Variants in PLA2G5 observed in about 807,000 individuals in gnomAD.
PLA2G5 encodes the protein Ca2+-dependent phospholipase A2.
PLA2G5 carries 12 observed loss-of-function variants against 15.9 expected under a neutral mutation model. That is an observed-to-expected ratio of 0.76 (90% CI 0.48 to 1.23). The LOEUF is 1.23. Among genes scored for constraint, PLA2G5 ranks in the 50% most tolerant of loss-of-function variants. The probability of loss-of-function intolerance (pLI) is 0.00; values close to 1 mark genes in which losing one functional copy is unlikely to be tolerated. For synonymous variants in PLA2G5, 71 were observed against 71.4 expected (o/e 0.99, Z 0.03); for missense variants, 169 against 177.1 (o/e 0.95, Z 0.26).
At chr1:20,085,683 T>TTA in intron 2 of PLA2G5, among the ~76,000 whole-genome samples, 1 of 152,320 alleles carries the variant, frequency 6.6e-6, no homozygotes, top group African/African-American at 2.4e-5. Flanking sequence ...GAATTACACC[T>TTA]TATATGTCAT....
chr1:20,079,402 G>A (rs1355649878), intron 1 of PLA2G5, among the ~76,000 whole-genome samples: 1 of 152,180 alleles, frequency 6.6e-6, no homozygotes, highest in Non-Finnish European at 1.5e-5. Context: ...AGGAAGCCAG[G>A]ATTTGAACCC....
At position 20,053,574 on chromosome 1, in the gene PLA2G5, G is replaced by GGC. The variant is rs1553172797; in HGVS notation, n.277-6057_277-6056insCG. Among the ~76,000 whole-genome samples the GGC allele has an allele frequency of 9.8e-5, 14 of 143,230 alleles. 1 individual carries two copies. Among genetic ancestry groups the GGC allele is most frequent in the African/African-American group, 3.6e-4 (14 of 38,740 alleles). The allele number at this position is 143,230 out of a possible 152,430, so 94.0% of individuals were successfully genotyped here. ...TTTTAATTATGTATTACTTTGCGGGGGGGGGGGTGATATGCAAAACTTTCC... is the reference window on the plus strand; with the variant it reads ...TTTTAATTATGTATTACTTTGCGGGGGCGGGGGGGTGATATGCAAAACTTTCC... On this transcript the variant is annotated intron_variant and non_coding_transcript_variant, in intron 1 of 6. Coordinates refer to the PLA2G5 transcript ENST00000460175.
chr1:20,068,796 C>T, upstream of PLA2G5: 1 of 398,846 alleles, frequency 2.5e-6, no homozygotes, highest in Non-Finnish European at 4.4e-6. Flanking sequence ...AGACAACTGG[C>T]ATGCTTACAG....
chr1:20,046,621 G>A (rs2013919453), intron 1 of PLA2G5, among the ~76,000 whole-genome samples: 2 of 152,070 alleles, frequency 1.3e-5, no homozygotes, highest in Admixed American at 6.5e-5. Flanking sequence ...GTGGAATTTC[G>A]AGAGTCATGG....
chr1:20,052,647 G>A (rs1161122261), intron 1 of PLA2G5, among the ~76,000 whole-genome samples: 2 of 152,120 alleles, frequency 1.3e-5, no homozygotes, highest in East Asian at 1.9e-4. Context: ...TGAGTAATCA[G>A]ACAAAACCTG....
At chr1:20,038,984 T>C (rs2013437422) in intron 1 of PLA2G5, among the ~76,000 whole-genome samples, 1 of 152,014 alleles carries the variant, frequency 6.6e-6, no homozygotes, top group African/African-American at 2.4e-5. Flanking sequence ...CTACACTCAG[T>C]TGTGGTGGTG....
chr1:20,051,437 A>T lies in PLA2G5; in HGVS notation n.277-8195A>T, dbSNP rs1173423802. Reference sequence around the variant, plus strand: ...GTAATCTTTTTGACTTTTTGCTTAAAATGTTGCTGATCCTTTGTTTTTTCA... The same window carrying T: ...GTAATCTTTTTGACTTTTTGCTTAATATGTTGCTGATCCTTTGTTTTTTCA... On this transcript the variant is annotated intron_variant and non_coding_transcript_variant, in intron 1 of 6. Transcript: ENST00000460175. 6.6e-5 allele frequency among the ~76,000 whole-genome samples: 10 copies of T among 152,324 alleles called. No homozygotes were observed. The East Asian group carries it at 1.9e-3, about 29-fold the overall frequency.
chr1:20,035,898 A>C (rs1326072807), intron 1 of PLA2G5, among the ~76,000 whole-genome samples: 1 of 152,138 alleles, frequency 6.6e-6, no homozygotes, highest in Non-Finnish European at 1.5e-5. Context: ...GAAGATTTAG[A>C]ACTCCTCTTT....
chr1:20,053,579 G>GC (rs2014285363), intron 1 of PLA2G5, among the ~76,000 whole-genome samples: 1 of 140,190 alleles, frequency 7.1e-6, no homozygotes, highest in African/African-American at 2.7e-5. Context: ...GCGGGGGGGG[G>GC]GGTGATATGC....
intron 1 of PLA2G5, among the ~76,000 whole-genome samples, chr1:20,072,124 T>G (rs1421582400): frequency 1.3e-5 from 2 of 151,788 alleles, no homozygotes; most frequent in Non-Finnish European, 2.9e-5. Context: ...ATAAATAAAG[T>G]GGCCACTCCC....
chr1:20,084,826 C>T lies in PLA2G5; in HGVS notation c.-5C>T. On this transcript the variant is annotated 5_prime_UTR_variant, in exon 2 of 5. The change creates a premature stop within an existing upstream ORF in the 5' untranslated region. Transcript: ENST00000375108. Reference sequence around the variant, plus strand: ...GGATGTGTTTTTTTTTCCAGAACCCCAGAGATGAAAGGCCTCCTCCCACTG... The same window carrying T: ...GGATGTGTTTTTTTTTCCAGAACCCTAGAGATGAAAGGCCTCCTCCCACTG... 6.2e-7 allele frequency: 1 copy of T among 1,607,862 alleles called. No homozygotes were observed. The highest frequency in any genetic ancestry group is 8.5e-7 in the Non-Finnish European group (1 of 1,174,394).
chr1:20,046,321 G>C (rs2013901528), intron 1 of PLA2G5, among the ~76,000 whole-genome samples: 1 of 152,084 alleles, frequency 6.6e-6, no homozygotes, highest in Non-Finnish European at 1.5e-5. Context: ...ATCCAAGTGA[G>C]AATTCCAAAT....
At chr1:20,062,745 C>A (rs763714191) in intron 2 of PLA2G5, among the ~76,000 whole-genome samples, 1 of 152,160 alleles carries the variant, frequency 6.6e-6, no homozygotes, top group Admixed American at 6.5e-5. Flanking sequence ...ATGGAAGGGG[C>A]GCTGTCAATG....
intron 1 of PLA2G5, among the ~76,000 whole-genome samples, chr1:20,075,392 C>T (rs1390820693): frequency 6.6e-6 from 1 of 152,240 alleles, no homozygotes; most frequent in Non-Finnish European, 1.5e-5. Flanking sequence ...GCATGTCCCA[C>T]CATCCTGTTA....
intron 1 of PLA2G5, among the ~76,000 whole-genome samples, chr1:20,033,725 G>T (rs1038050715): frequency 7.2e-5 from 11 of 152,108 alleles, no homozygotes; most frequent in African/African-American, 2.7e-4. Flanking sequence ...CAGAGTAAAG[G>T]GCTTGGTGGG....
intron 1 of PLA2G5, among the ~76,000 whole-genome samples, chr1:20,053,032 T>G (rs2014252552): frequency 6.6e-6 from 1 of 152,174 alleles, no homozygotes; most frequent in Non-Finnish European, 1.5e-5. Context: ...TTGATTGATG[T>G]CTTATGTCTC....
chr1:20,081,543 G>A (rs951091171), intron 1 of PLA2G5, among the ~76,000 whole-genome samples: 2 of 151,854 alleles, frequency 1.3e-5, no homozygotes, highest in African/African-American at 4.9e-5. Context: ...TCTGGGAAAG[G>A]CTGGTGGGGC....
rs1161232432 is a variant in PLA2G5 at position 20,039,299 on chromosome 1, AG to A, written n.276+10593del. On this transcript the variant is annotated intron_variant and non_coding_transcript_variant, in intron 1 of 6. Coordinates refer to the PLA2G5 transcript ENST00000460175. ...AAGCATGGACATTAATGTCTTTTGG[AG>A]GGCAGAATCACTGATTCTAGCCTCT... is the stretch of plus-strand genomic sequence containing the variant. Among the ~76,000 whole-genome samples the A allele has an allele frequency of 3.9e-5, 6 of 152,344 alleles. No homozygotes were observed. In the East Asian group the frequency reaches 9.6e-4, roughly 24 times the overall value.
intron 1 of PLA2G5, among the ~76,000 whole-genome samples, chr1:20,057,096 T>G (rs977679888): frequency 2.6e-5 from 4 of 152,002 alleles, no homozygotes; most frequent in Admixed American, 2.0e-4. Flanking sequence ...TTTTGTGTAT[T>G]CTCTCTTTTT....
Sources: gnomAD v4.1 joint callset for allele counts (sites outside exome capture counted in the v4.1 genomes callset) on GRCh38, gnomAD v4.1.1 for gene constraint, MANE v1.5 for transcripts, NCBI Gene and HGNC (gene_info 2026-07-23, HGNC 2026-07-21) for gene names.